The following EPG5 variants were observed in gnomAD, a reference collection of about 807,000 sequenced individuals.
The protein encoded by EPG5 is ectopic P-granules 5 autophagy tethering factor.
Under a neutral mutation model 302.7 loss-of-function variants are expected in EPG5, and 159 were observed. That is an observed-to-expected ratio of 0.53 (90% confidence interval 0.46 to 0.60). The LOEUF is 0.60. Among genes scored for constraint, EPG5 ranks in the 20% least tolerant of loss-of-function variants. The pLI, the probability that EPG5 is intolerant of heterozygous loss-of-function variation, is 0.00. For synonymous variants in EPG5, 1,158 were observed against 1,136.8 expected (o/e 1.02, Z -0.37); for missense variants, 2,896 against 3,092.4 (o/e 0.94, Z 1.51).
At chr18:45,941,429 T>A in intron 9 of EPG5, among the ~76,000 whole-genome samples, 1 of 151,946 alleles carries the variant, frequency 6.6e-6, no homozygotes, top group East Asian at 1.9e-4. Context: ...AAAAGCAAGT[T>A]CAAGTGAGGA....
At chr18:45,911,108 C>CATATATAT (rs1397587397) in intron 22 of EPG5, among the ~76,000 whole-genome samples, 29 of 121,628 alleles carry the variant, frequency 2.4e-4, no homozygotes, top group Non-Finnish European at 4.8e-4. Context: ...CACACACACA[C>CATATATAT]ACATATATAT....
At chr18:45,964,388 C>T (rs1043349025) in intron 1 of EPG5, among the ~76,000 whole-genome samples, 5 of 152,242 alleles carry the variant, frequency 3.3e-5, no homozygotes, top group African/African-American at 7.2e-5. Context: ...ATTTAATCCC[C>T]GGAGGCTTTA....
At chr18:45,923,832 C>T (rs2050209351) in intron 14 of EPG5, among the ~76,000 whole-genome samples, 1 of 152,100 alleles carries the variant, frequency 6.6e-6, no homozygotes, top group Admixed American at 6.6e-5. Flanking sequence ...AGTTTGAAAC[C>T]AGCCTGGCCA....
intron 32 of EPG5, 104 bp downstream of exon 32, chr18:45,879,971 T>C: frequency 2.3e-6 from 3 of 1,291,540 alleles, no homozygotes; most frequent in Non-Finnish European, 3.2e-6. Flanking sequence ...GAAAAACACA[T>C]GGCTCTTAAA....
chr18:45,866,681 C>T (rs1276320702), intron 38 of EPG5, 117 bp downstream of exon 38: 6 of 786,156 alleles, frequency 7.6e-6, no homozygotes, highest in African/African-American at 3.4e-5. Context: ...TATGATAATA[C>T]ACATCCTCCG....
the EPG5 span, among the ~76,000 whole-genome samples, chr18:45,832,573 C>A: frequency 6.6e-6 from 1 of 152,214 alleles, no homozygotes; most frequent in African/African-American, 2.4e-5. Flanking sequence ...CCAAAGCTAG[C>A]ATGCTTCCCG....
intron 24 of EPG5, among the ~76,000 whole-genome samples, chr18:45,905,198 TAAC>T (rs1045324199): frequency 5.3e-5 from 8 of 152,194 alleles, no homozygotes; most frequent in African/African-American, 9.7e-5. Flanking sequence ...GGACTGCCTT[TAAC>T]AACAACAACA....
intron 9 of EPG5, among the ~76,000 whole-genome samples, chr18:45,940,684 CTA>C (rs2050646011): frequency 6.6e-6 from 1 of 152,104 alleles, no homozygotes; most frequent in African/African-American, 2.4e-5. Context: ...AGCATTTTCC[CTA>C]TGTTAGTGGC....
Position 45,887,895 on chromosome 18 carries a change from A to C in EPG5, c.4965T>G (p.Asn1655Lys), listed in dbSNP as rs2049253483. The change falls in exon 29 of 44, where the codon AAT (asparagine) becomes AAG (lysine). Residue 1655 changes from asparagine to lysine, a missense_variant. By Grantham distance (94) the Asn-to-Lys change is moderately conservative. This residue lies in a region of EPG5 where 790 missense variants were observed against 798.0 expected (regional missense o/e 0.99). Transcript: ENST00000282041. ...CAGGTGTAGGCTGCAACTTGTAGGCATTCACTAAGGCCCTGTGGGAAAATG... is the reference window on the plus strand; with the variant it reads ...CAGGTGTAGGCTGCAACTTGTAGGCCTTCACTAAGGCCCTGTGGGAAAATG... ...HAENLITALV[N>K]AYKLQPTPGI... 5.1e-6 allele frequency: 8 copies of C among 1,578,440 alleles called. No homozygotes were observed. Among genetic ancestry groups the C allele is most frequent in the Non-Finnish European group, 6.9e-6 (8 of 1,154,054 alleles).
chr18:45,928,867 A>T lies in EPG5; in HGVS notation c.2553+2T>A. ...AAAAACAAACAAAATCAGTGCTCTT[A>T]CCATTCCAACCTGGTCAATGGTCTC... On this transcript the variant is annotated splice_donor_variant, in intron 13 of 43. Coordinates refer to ENST00000282041, the MANE Select transcript of EPG5 (RefSeq NM_020964.3). LOFTEE classifies it high-confidence loss of function. 3.1e-6 allele frequency: 5 copies of T among 1,608,090 alleles called. No homozygotes were observed. Among genetic ancestry groups the T allele is most frequent in the Non-Finnish European group, 4.2e-6 (5 of 1,178,666 alleles).
chr18:45,955,062 C>G lies in EPG5; in HGVS notation c.340G>C (p.Gly114Arg), dbSNP rs375017695. 6.2e-7 allele frequency: 1 copy of G among 1,614,012 alleles called. No individual in the cohort carries two copies. The highest frequency in any genetic ancestry group is 1.3e-5 in the African/African-American group (1 of 74,932). The part of the protein sequence containing the change: ...KEGGEARPCV[G>R]DSAVTPKVHP... ...ACCTTTGGAGTGACTGCACTGTCCC[C>G]CACACAGGGTCTGGCCTCTCCCCCT... The change falls in exon 2 of 44, where the codon GGG (glycine) becomes CGG (arginine). Residue 114 changes from glycine to arginine, a missense_variant. By Grantham distance (125) the Gly-to-Arg change is moderately radical. Transcript: ENST00000282041.
At chr18:45,913,603 C>T in intron 21 of EPG5, 103 bp downstream of exon 21, 3 of 1,402,578 alleles carry the variant, frequency 2.1e-6, no homozygotes, top group Non-Finnish European at 2.9e-6. Context: ...TCCAAACATT[C>T]ACAACAAAAT....
chr18:45,834,868 T>C, the EPG5 span, among the ~76,000 whole-genome samples: 2 of 152,126 alleles, frequency 1.3e-5, no homozygotes, highest in African/African-American at 4.8e-5. Context: ...AAGTGAGAAA[T>C]AGCAGGGAAA....
At chr18:45,945,102 G>A (rs1314092924) in intron 7 of EPG5, among the ~76,000 whole-genome samples, 1 of 152,024 alleles carries the variant, frequency 6.6e-6, no homozygotes, top group Non-Finnish European at 1.5e-5. Context: ...AGAACCTGAA[G>A]AATATATCAC....
Position 45,858,075 on chromosome 18 carries a change from G to A in EPG5, c.7227-7C>T. 1 of 1,602,364 alleles carries A rather than the reference G, an allele frequency of 6.2e-7. No individual in the cohort carries two copies. Among genetic ancestry groups the A allele is most frequent in the Non-Finnish European group, 8.5e-7 (1 of 1,171,852 alleles). ...TGCCTCTTCCTCCACGGAGCTAGGG[G>A]AGGCACCGGAGGAAAATAAAATTAG... On this transcript the variant is annotated splice_polypyrimidine_tract_variant and splice_region_variant and intron_variant, in intron 41 of 43. Coordinates refer to ENST00000282041, the MANE Select transcript of EPG5 (RefSeq NM_020964.3).
chr18:45,939,905 G>A (rs1363579415), intron 9 of EPG5, 150 bp from the exon 10 acceptor site: 142 of 700,554 alleles, frequency 2.0e-4, no homozygotes. Context: ...TAATGAAATG[G>A]GGAAAATAAA....
the EPG5 span, among the ~76,000 whole-genome samples, chr18:45,804,708 T>G: frequency 6.6e-6 from 1 of 152,214 alleles, no homozygotes; most frequent in African/African-American, 2.4e-5. Context: ...CTAGCAGACC[T>G]TTATTATAAG....
At chr18:45,853,581 C>A (rs148035398) in intron 43 of EPG5, among the ~76,000 whole-genome samples, 1 of 152,146 alleles carries the variant, frequency 6.6e-6, no homozygotes, top group Non-Finnish European at 1.5e-5. Context: ...CCTCCTTGTC[C>A]CTTTTACAGA....
chr18:45,805,121 G>A, the EPG5 span, among the ~76,000 whole-genome samples: 1 of 151,904 alleles, frequency 6.6e-6, no homozygotes, highest in Admixed American at 6.6e-5. Flanking sequence ...AATTAAACTG[G>A]AATTCTAAAA....
Sources: gnomAD v4.1 joint callset for allele counts (sites outside exome capture counted in the v4.1 genomes callset) on GRCh38, gnomAD v4.1.1 for gene constraint, gnomAD v4.1.1 regional missense constraint, MANE v1.5 for transcripts, NCBI Gene and HGNC (gene_info 2026-07-23, HGNC 2026-07-21) for gene names.